RHOBTB1: variants seen among roughly 807,000 people sequenced by gnomAD.
RHOBTB1 encodes Rho related BTB domain containing 1, also known as rho-related BTB domain-containing protein 1.
In RHOBTB1, 40 loss-of-function variants were observed where a neutral mutation model predicts 71.6. That is an observed-to-expected ratio of 0.56 (90% CI 0.43 to 0.73). The LOEUF is 0.73. RHOBTB1 is among the 30% of genes least tolerant of loss of function. RHOBTB1 has a pLI of 0.00. For synonymous variants in RHOBTB1, 319 were observed against 334.9 expected (o/e 0.95, Z 0.52); for missense variants, 797 against 894.0 (o/e 0.89, Z 1.38).
chr10:60,938,275 A>G (rs1477604935), intron 2 of RHOBTB1, among the ~76,000 whole-genome samples: 1 of 152,160 alleles, frequency 6.6e-6, no homozygotes. Context: ...CATACTTGCT[A>G]GTTGTATTTC....
chr10:60,861,955 G>T, the RHOBTB1 span, among the ~76,000 whole-genome samples: 1 of 152,146 alleles, frequency 6.6e-6, no homozygotes, highest in Non-Finnish European at 1.5e-5. Context: ...AGCTGGCAGG[G>T]TTGCTTAGAA....
intron 2 of RHOBTB1, among the ~76,000 whole-genome samples, chr10:60,976,851 A>G (rs2086333248): frequency 6.6e-6 from 1 of 152,050 alleles, no homozygotes; most frequent in South Asian, 2.1e-4. Context: ...TTCTGGATTC[A>G]GAAAGAGTTT....
intron 1 of RHOBTB1, among the ~76,000 whole-genome samples, chr10:60,991,249 C>G (rs767592095): frequency 1.3e-4 from 20 of 152,048 alleles, no homozygotes; most frequent in Non-Finnish European, 2.2e-4. Context: ...CAGCACTCCC[C>G]ACACCCCCAC....
chr10:60,917,403 C>T (rs985500225), intron 2 of RHOBTB1, among the ~76,000 whole-genome samples: 8 of 152,204 alleles, frequency 5.3e-5, no homozygotes, highest in Admixed American at 2.0e-4. Context: ...GCTTCAGCTG[C>T]CATAACAAAA....
intron 7 of RHOBTB1, 94 bp from the exon 8 acceptor site, chr10:60,878,152 T>C (rs144177505): frequency 0.011 from 10,974 of 967,930 alleles, 94 homozygotes; most frequent in Middle Eastern, 0.015. Context: ...CTGTGTGACT[T>C]GATATTGGTG....
At chr10:60,867,989 A>G (rs2080645987), downstream of RHOBTB1, among the ~76,000 whole-genome samples, 1 of 152,130 alleles carries the variant, frequency 6.6e-6, no homozygotes, top group South Asian at 2.1e-4. Context: ...TAAATAATAT[A>G]TCTGTGGCTC....
At chr10:60,879,512 ATT>A (rs529044775) in intron 7 of RHOBTB1, among the ~76,000 whole-genome samples, 32 of 144,756 alleles carry the variant, frequency 2.2e-4, no homozygotes, top group African/African-American at 7.6e-4. Context: ...TATTTTATTA[ATT>A]TTTTTTTTTT....
intron 2 of RHOBTB1, among the ~76,000 whole-genome samples, chr10:60,932,577 G>A (rs1171034642): frequency 3.4e-5 from 5 of 149,192 alleles, no homozygotes; most frequent in Admixed American, 6.7e-5. Flanking sequence ...AGGCCCTATC[G>A]TCCTCATGGG....
At chr10:60,908,489 T>C (rs1235397396) in intron 4 of RHOBTB1, among the ~76,000 whole-genome samples, 8 of 152,028 alleles carry the variant, frequency 5.3e-5, no homozygotes, top group Admixed American at 5.2e-4. Context: ...ACCAAACAAG[T>C]TTTGCAAAAA....
rs985487968 is a variant in RHOBTB1, at chr10:60,883,300, C to T, written c.1575+2812G>A. Among the ~76,000 whole-genome samples, 6 of 152,328 alleles carry T rather than the reference C, an allele frequency of 3.9e-5. No individual in the cohort carries two copies. In the East Asian group the frequency reaches 7.7e-4, roughly 20 times the overall value. On this transcript the variant is annotated intron_variant, in intron 7 of 10. Coordinates refer to ENST00000337910, the MANE Select transcript of RHOBTB1 (RefSeq NM_014836.5). ...CAGCAGGGTGTGCTAAACAGGTGGCCTCCTCCAGGAGAGGCCATCAAACAA... is the reference window on the plus strand; with the variant it reads ...CAGCAGGGTGTGCTAAACAGGTGGCTTCCTCCAGGAGAGGCCATCAAACAA...
intron 2 of RHOBTB1, among the ~76,000 whole-genome samples, chr10:60,960,746 C>A (rs533767276): frequency 6.6e-6 from 1 of 152,184 alleles, no homozygotes; most frequent in Non-Finnish European, 1.5e-5. Flanking sequence ...GCTGCCCTGG[C>A]AGCTACCCCT....
chr10:60,949,711 A>T (rs2085349376), intron 2 of RHOBTB1, among the ~76,000 whole-genome samples: 1 of 142,810 alleles, frequency 7.0e-6, no homozygotes, highest in Non-Finnish European at 1.5e-5. Flanking sequence ...TTGGAAACAA[A>T]TTTATAGATA....
At chr10:60,963,140 T>A (rs545239663) in intron 2 of RHOBTB1, among the ~76,000 whole-genome samples, 1 of 152,290 alleles carries the variant, frequency 6.6e-6, no homozygotes, top group African/African-American at 2.4e-5. Flanking sequence ...ACCATTTGGT[T>A]TGACCAAAAG....
chr10:60,880,200 T>TGAGAGA (rs1374462278), intron 7 of RHOBTB1, among the ~76,000 whole-genome samples: 4 of 138,294 alleles, frequency 2.9e-5, no homozygotes, highest in Admixed American at 7.1e-5. Flanking sequence ...TGTGTGTGTG[T>TGAGAGA]GTGAGAGAGA....
At chr10:60,862,649 TTTC>T in the RHOBTB1 span, among the ~76,000 whole-genome samples, 20 of 150,350 alleles carry the variant, frequency 1.3e-4, no homozygotes, top group Admixed American at 2.6e-4. Flanking sequence ...CCTTTCTCCC[TTTC>T]TTTTTTCTTT....
chr10:60,966,003 T>C (rs1239436390), intron 2 of RHOBTB1, among the ~76,000 whole-genome samples: 1 of 152,160 alleles, frequency 6.6e-6, no homozygotes, highest in African/African-American at 2.4e-5. Context: ...TATATAATTT[T>C]AAAAACTGTG....
rs1462614682 is a variant in RHOBTB1 at position 60,871,234 on chromosome 10, C to CA, written c.*247dup. The CA allele has an allele frequency of 5.2e-5, 19 of 365,314 alleles. No individual in the cohort carries two copies. The highest frequency in any genetic ancestry group is 1.1e-4 in the South Asian group (1 of 8,884). 22.6% of individuals were successfully genotyped at this position (365,314 alleles called of 1,614,324 possible). On this transcript the variant is annotated 3_prime_UTR_variant, in exon 11 of 11. Transcript: ENST00000337910. Reference sequence around the variant, plus strand: ...GACTAAAGTTTATTAAGCCTCCTAACAAAAAAAATATACATATCAGTTTAA... The same window carrying CA: ...GACTAAAGTTTATTAAGCCTCCTAACAAAAAAAAATATACATATCAGTTTAA...
Position 60,886,145 on chromosome 10 carries a change from G to T in RHOBTB1, c.1542C>A (p.Phe514Leu). 1 of 1,613,990 alleles carries T rather than the reference G, an allele frequency of 6.2e-7. No homozygotes were observed. The highest frequency in any genetic ancestry group is 8.5e-7 in the Non-Finnish European group (1 of 1,179,926). ...TGGCACTTTCCACAAATGACCCCCC[G>T]AACATGGCTGCCATCCACTCACAGC... ...ICSCEWMAAM[F>L]GGSFVESANS... is the part of the protein sequence containing the mutation. Residue 514 changes from phenylalanine to leucine, a missense_variant, in exon 7 of 11, where the codon TTC becomes TTA. Physicochemically the swap from Phe to Leu is conservative, Grantham distance 22 (BLOSUM62 0). Around this residue, in one of 2 missense-constraint regions of RHOBTB1, gnomAD observed 658 missense variants for 681.5 expected, o/e 0.97. Transcript: ENST00000337910.
intron 2 of RHOBTB1, among the ~76,000 whole-genome samples, chr10:60,922,084 TTAA>T (rs2083597529): frequency 6.6e-6 from 1 of 152,222 alleles, no homozygotes; most frequent in Non-Finnish European, 1.5e-5. Context: ...TTTATAAATG[TTAA>T]TAATATTTAT....
Sources: allele counts gnomAD v4.1 joint callset (sites outside exome capture counted in the v4.1 genomes callset), GRCh38; gene constraint gnomAD v4.1.1; regional missense constraint gnomAD v4.1.1; transcripts MANE v1.5; gene names NCBI Gene and HGNC (gene_info 2026-07-23, HGNC 2026-07-21).